The following ME3 variants were observed in gnomAD, a reference collection of about 807,000 sequenced individuals.
ME3 encodes the protein malic enzyme 3.
In ME3, 48 loss-of-function variants were observed where a neutral mutation model predicts 68.9. The ratio of observed to expected loss-of-function variants is 0.70; its 90% CI spans 0.55 to 0.89. ME3 has a LOEUF of 0.89. Among genes scored for constraint, ME3 ranks in the 40% least tolerant of loss-of-function variants. The pLI is 0.00. For synonymous variants in ME3, 320 were observed against 318.8 expected, an observed-to-expected ratio of 1.00 and a Z score of -0.04; for missense variants, 675 against 797.4, an observed-to-expected ratio of 0.85 and a Z score of 1.85.
chr11:86,496,884 GAAAAA>G (rs71040242), intron 6 of ME3, among the ~76,000 whole-genome samples: 1 of 149,274 alleles, frequency 6.7e-6, no homozygotes, highest in African/African-American at 2.5e-5. Flanking sequence ...TAAGTGCGTG[GAAAAA>G]AAAAAGGCTG....
chr11:86,526,680 A>G (rs1954776656), intron 4 of ME3, among the ~76,000 whole-genome samples: 1 of 152,172 alleles, frequency 6.6e-6, no homozygotes, highest in Non-Finnish European at 1.5e-5. Context: ...TTCCAGAGGA[A>G]CGATCAGGCA....
intron 2 of ME3, among the ~76,000 whole-genome samples, chr11:86,595,306 T>TATATATATAGAG (rs371436753): frequency 2.5e-5 from 2 of 79,792 alleles, no homozygotes; most frequent in African/African-American, 7.9e-5. Context: ...TATATATATA[T>TATATATATAGAG]AGAGAGAGAG....
At chr11:86,605,214 G>A (rs1451927284) in intron 2 of ME3, among the ~76,000 whole-genome samples, 1 of 152,098 alleles carries the variant, frequency 6.6e-6, no homozygotes, top group African/African-American at 2.4e-5. Context: ...ATATTCTATT[G>A]TATATACATA....
intron 2 of ME3, among the ~76,000 whole-genome samples, chr11:86,657,195 A>C (rs1208385355): frequency 6.6e-6 from 1 of 152,202 alleles, no homozygotes; most frequent in Non-Finnish European, 1.5e-5. Flanking sequence ...ACTATTCACA[A>C]TAGCAAAGAC....
chr11:86,552,733 C>T (rs2139422760), intron 4 of ME3, among the ~76,000 whole-genome samples: 1 of 152,268 alleles, frequency 6.6e-6, no homozygotes. Context: ...CCCTCCAGCT[C>T]CTGAATAAAG....
At position 86,603,913 on chromosome 11, in the gene ME3, G is replaced by A. The variant is rs569074193; in HGVS notation, c.184-44090C>T. Among the ~76,000 whole-genome samples the A allele has an allele frequency of 4.5e-5, 6 of 134,212 alleles. 1 individual carries two copies. The South Asian group carries it at 1.6e-3, about 35-fold the overall frequency. 88.0% of individuals were successfully genotyped at this position (134,212 alleles called of 152,430 possible). A position where few individuals can be genotyped will look rare whatever the true frequency, so the allele number is the denominator to read the frequency against. ...TGAACAATGAGAACACATGGACACA[G>A]GAAGGGGAAAATCACACTCTGGGGA... is the stretch of plus-strand genomic sequence containing the variant. On this transcript the variant is annotated intron_variant, in intron 2 of 14. Transcript: ENST00000543262.
intron 4 of ME3, among the ~76,000 whole-genome samples, chr11:86,513,838 A>ACC (rs1482979025): frequency 2.6e-5 from 4 of 152,152 alleles, no homozygotes; most frequent in Non-Finnish European, 5.9e-5. Context: ...TGACCTCAGC[A>ACC]ATGTATTTAC....
chr11:86,564,855 A>C (rs1455319097), intron 2 of ME3, among the ~76,000 whole-genome samples: 2 of 152,212 alleles, frequency 1.3e-5, no homozygotes, highest in Non-Finnish European at 2.9e-5. Context: ...GGACTTCATC[A>C]AAATAAAAAA....
intron 2 of ME3, among the ~76,000 whole-genome samples, chr11:86,616,694 T>C (rs1430324051): frequency 6.6e-6 from 1 of 152,198 alleles, no homozygotes; most frequent in South Asian, 2.1e-4. Flanking sequence ...TTCTACAAGA[T>C]ACCTAGCCAG....
At chr11:86,443,745 G>A (rs1949134435) in intron 13 of ME3, among the ~76,000 whole-genome samples, 1 of 152,206 alleles carries the variant, frequency 6.6e-6, no homozygotes, top group African/African-American at 2.4e-5. Context: ...TTAGGGAAGT[G>A]GGCCTCCCTC....
At chr11:86,535,041 G>A (rs78347504) in intron 4 of ME3, among the ~76,000 whole-genome samples, 1 of 152,070 alleles carries the variant, frequency 6.6e-6, no homozygotes. Flanking sequence ...CCTAGGTAGA[G>A]GTTTACTCTC....
chr11:86,594,026 C>T (rs1959177133), intron 2 of ME3, among the ~76,000 whole-genome samples: 1 of 146,062 alleles, frequency 6.8e-6, no homozygotes, highest in Non-Finnish European at 1.5e-5. Flanking sequence ...TTAATAAGCA[C>T]CGACTAGGTA....
chr11:86,456,081 G>A (rs1329442565), intron 8 of ME3, among the ~76,000 whole-genome samples: 2 of 152,012 alleles, frequency 1.3e-5, no homozygotes, highest in Admixed American at 6.5e-5. Context: ...TCAGTTCTAC[G>A]GAGTCAGAAT....
At chr11:86,457,832 G>A in intron 8 of ME3, 1 of 1,233,980 alleles carries the variant, frequency 8.1e-7, no homozygotes, top group East Asian at 5.8e-5. Context: ...CCTGCAAACT[G>A]AGTACTTGAG....
At chr11:86,465,857 C>T (rs1222542510) in intron 7 of ME3, among the ~76,000 whole-genome samples, 1 of 152,188 alleles carries the variant, frequency 6.6e-6, no homozygotes, top group Non-Finnish European at 1.5e-5. Flanking sequence ...AAGCAGGTCA[C>T]CAGGCCCATC....
At chr11:86,467,400 G>T (rs2138753553) in intron 7 of ME3, among the ~76,000 whole-genome samples, 1 of 152,158 alleles carries the variant, frequency 6.6e-6, no homozygotes, top group South Asian at 2.1e-4. Context: ...ACTATGAATA[G>T]AAATGATAAA....
At chr11:86,536,895 A>G (rs953782209) in intron 4 of ME3, among the ~76,000 whole-genome samples, 6 of 152,200 alleles carry the variant, frequency 3.9e-5, no homozygotes, top group Non-Finnish European at 2.9e-5. Flanking sequence ...CCAAATGTCC[A>G]ACAATGATAG....
At chr11:86,607,557 A>C (rs1961879572) in intron 2 of ME3, among the ~76,000 whole-genome samples, 1 of 151,148 alleles carries the variant, frequency 6.6e-6, no homozygotes, top group South Asian at 2.1e-4. Flanking sequence ...CCTTCCTGTA[A>C]AGTCTTGCAG....
At chr11:86,445,858 C>T (rs992518305) in intron 13 of ME3, among the ~76,000 whole-genome samples, 8 of 151,934 alleles carry the variant, frequency 5.3e-5, no homozygotes, top group African/African-American at 1.9e-4. Context: ...AAGTATGACA[C>T]CCACCCCCTC....
Sources: allele counts gnomAD v4.1 joint callset (sites outside exome capture counted in the v4.1 genomes callset), GRCh38; gene constraint gnomAD v4.1.1; transcripts MANE v1.5; gene names NCBI Gene and HGNC (gene_info 2026-07-23, HGNC 2026-07-21).